The following TEAD1 variants were observed in gnomAD, a reference collection of about 807,000 sequenced individuals.
The protein encoded by TEAD1 is transcriptional enhancer factor TEF-1.
Under a neutral mutation model 54.9 loss-of-function variants are expected in TEAD1, and 9 were observed. That is an observed-to-expected ratio of 0.16 (90% CI 0.10 to 0.29). TEAD1 has a LOEUF of 0.29. Among genes scored for constraint, TEAD1 ranks in the 10% least tolerant of loss-of-function variants. TEAD1 has a pLI of 1.00. For synonymous variants in TEAD1, 200 were observed against 187.8 expected (o/e 1.07, Z -0.53); for missense variants, 387 against 535.9 (o/e 0.72, Z 2.74).
intron 2 of TEAD1, among the ~76,000 whole-genome samples, chr11:12,686,622 C>T (rs1453577725): frequency 6.6e-6 from 1 of 152,022 alleles, no homozygotes; most frequent in African/African-American, 2.4e-5. Flanking sequence ...ATTTTAGAAC[C>T]TGTGGTCTTG....
At chr11:12,853,386 G>T (rs904202967) in intron 3 of TEAD1, among the ~76,000 whole-genome samples, 5 of 152,182 alleles carry the variant, frequency 3.3e-5, no homozygotes, top group African/African-American at 1.2e-4. Flanking sequence ...TCCTTTAGAT[G>T]TGGGCAGTAG....
rs572587328 is a variant in TEAD1, at chr11:12,913,252, C to T, written c.873+11139C>T. On this transcript the variant is annotated intron_variant, in intron 10 of 12. Transcript: ENST00000527636. ...AAGATCCACGGTACCTCCTACCCCC[C>T]AGTCCACCCCATGTTAATTTACTTT... Among the ~76,000 whole-genome samples, 44 of 152,176 alleles carry T rather than the reference C, an allele frequency of 2.9e-4. No homozygotes were observed. In the South Asian group the frequency reaches 8.9e-3, roughly 31 times the overall value.
At chr11:12,712,521 T>C (rs1319857728) in intron 2 of TEAD1, among the ~76,000 whole-genome samples, 1 of 152,212 alleles carries the variant, frequency 6.6e-6, no homozygotes, top group East Asian at 1.9e-4. Context: ...ATGGAAATGA[T>C]AGTGTACTTA....
At chr11:12,780,642 A>G (rs1281945405) in intron 3 of TEAD1, among the ~76,000 whole-genome samples, 2 of 152,218 alleles carry the variant, frequency 1.3e-5, no homozygotes, top group Non-Finnish European at 2.9e-5. Flanking sequence ...CACAGGAATA[A>G]ATGTGACAAA....
At chr11:12,850,679 G>A (rs1358137586) in intron 3 of TEAD1, among the ~76,000 whole-genome samples, 1 of 152,192 alleles carries the variant, frequency 6.6e-6, no homozygotes, top group Admixed American at 6.5e-5. Flanking sequence ...CGGCAGCATT[G>A]CATCATTAAA....
intron 2 of TEAD1, among the ~76,000 whole-genome samples, chr11:12,751,285 CAA>C (rs67548037): frequency 0.078 from 8,782 of 112,492 alleles, 846 homozygotes; most frequent in African/African-American, 0.24. Flanking sequence ...CAACCTGACT[CAA>C]AAAAAAAAAA....
chr11:12,837,779 C>CTCTTCT (rs1554940226), intron 3 of TEAD1, among the ~76,000 whole-genome samples: 1 of 138,570 alleles, frequency 7.2e-6, no homozygotes, highest in African/African-American at 2.7e-5. Context: ...CCTTCTCTTC[C>CTCTTCT]TCTTCTTCCT....
intron 2 of TEAD1, among the ~76,000 whole-genome samples, chr11:12,734,678 A>C (rs1422192958): frequency 2.0e-5 from 3 of 152,190 alleles, no homozygotes; most frequent in Non-Finnish European, 4.4e-5. Flanking sequence ...ATTGAGTTAC[A>C]ATTGCCTACA....
At chr11:12,718,533 T>C (rs1468591098) in intron 2 of TEAD1, among the ~76,000 whole-genome samples, 3 of 152,186 alleles carry the variant, frequency 2.0e-5, no homozygotes, top group African/African-American at 7.2e-5. Flanking sequence ...TTTGAAACAA[T>C]ATTCACAGAA....
chr11:12,800,937 G>T (rs776442749), intron 3 of TEAD1, among the ~76,000 whole-genome samples: 1 of 152,208 alleles, frequency 6.6e-6, no homozygotes, highest in Admixed American at 6.5e-5. Context: ...TCAGCACCAT[G>T]CCTGGCACAG....
At chr11:12,844,309 G>A (rs1210392105) in intron 3 of TEAD1, among the ~76,000 whole-genome samples, 5 of 152,118 alleles carry the variant, frequency 3.3e-5, no homozygotes, top group African/African-American at 1.2e-4. Flanking sequence ...AGAACTAAGA[G>A]TCCAGAGATT....
At chr11:12,793,498 TTTA>T (rs1945849452) in intron 3 of TEAD1, among the ~76,000 whole-genome samples, 1 of 152,214 alleles carries the variant, frequency 6.6e-6, no homozygotes, top group Non-Finnish European at 1.5e-5. Flanking sequence ...AATGGTATAT[TTTA>T]TTATGTACTG....
intron 3 of TEAD1, among the ~76,000 whole-genome samples, chr11:12,842,924 A>G (rs1947070447): frequency 6.6e-6 from 1 of 152,230 alleles, no homozygotes; most frequent in South Asian, 2.1e-4. Context: ...TTCTAATTCC[A>G]GTGAGATACT....
At chr11:12,862,654 T>G (rs771603331) in intron 4 of TEAD1, among the ~76,000 whole-genome samples, 7 of 152,222 alleles carry the variant, frequency 4.6e-5, no homozygotes, top group Non-Finnish European at 1.0e-4. Flanking sequence ...GCAAATGCAC[T>G]TGCAGGTCAT....
chr11:12,770,909 G>T (rs1317758826), intron 3 of TEAD1, among the ~76,000 whole-genome samples: 1 of 152,234 alleles, frequency 6.6e-6, no homozygotes, highest in African/African-American at 2.4e-5. Context: ...AAAAGATCAT[G>T]TAGCGGTTTT....
intron 3 of TEAD1, among the ~76,000 whole-genome samples, chr11:12,804,200 T>C (rs984377563): frequency 6.6e-6 from 1 of 152,234 alleles, no homozygotes; most frequent in Non-Finnish European, 1.5e-5. Context: ...AAGGAAACTT[T>C]ATGGGAGCAA....
chr11:12,725,084 AGAAATAGTT>A (rs1944287481), intron 2 of TEAD1, among the ~76,000 whole-genome samples: 1 of 152,218 alleles, frequency 6.6e-6, no homozygotes, highest in African/African-American at 2.4e-5. Context: ...ATGCCTCAGA[AGAAATAGTT>A]TACACAGTAA....
intron 2 of TEAD1, among the ~76,000 whole-genome samples, chr11:12,695,510 A>T (rs1943561824): frequency 6.6e-6 from 1 of 152,196 alleles, no homozygotes; most frequent in East Asian, 1.9e-4. Flanking sequence ...TGAATTGCTT[A>T]TCGTCTCTAG....
chr11:12,874,714 G>T (rs540281488), intron 5 of TEAD1, among the ~76,000 whole-genome samples: 10 of 152,122 alleles, frequency 6.6e-5, no homozygotes, highest in African/African-American at 2.2e-4. Flanking sequence ...CAGTTGGACC[G>T]TTTGTTCTTA....
Sources: gnomAD v4.1 joint callset for allele counts (sites outside exome capture counted in the v4.1 genomes callset) on GRCh38, gnomAD v4.1.1 for gene constraint, MANE v1.5 for transcripts, NCBI Gene and HGNC (gene_info 2026-07-23, HGNC 2026-07-21) for gene names.